PACRG: variants seen among roughly 807,000 people sequenced by gnomAD.
PACRG encodes parkin coregulated, also known as parkin coregulated gene protein.
Under a neutral mutation model 29.7 loss-of-function variants are expected in PACRG, and 29 were observed. That is an observed-to-expected ratio of 0.98 (90% CI 0.73 to 1.33). The LOEUF (loss-of-function observed/expected upper bound fraction) is 1.33, where lower values mean the gene tolerates loss of function less well. Ranked by LOEUF, PACRG falls within the 40% of genes most tolerant of loss-of-function variation. PACRG has a pLI of 0.00. For missense variants in PACRG, 279 were observed against 316.2 expected (o/e 0.88, Z 0.89); for synonymous variants, 116 against 118.7 (o/e 0.98, Z 0.15).
intron 2 of PACRG, among the ~76,000 whole-genome samples, chr6:162,924,825 T>C (rs974402639): frequency 2.6e-5 from 4 of 152,128 alleles, no homozygotes; most frequent in African/African-American, 9.7e-5. Flanking sequence ...ACAGTGGAAC[T>C]GAAGGAGATA....
At position 162,814,122 on chromosome 6, in the gene PACRG, C is replaced by G. The variant is rs373472472; in HGVS notation, c.157-25C>G. On this transcript the variant is annotated intron_variant, in intron 1 of 4. Transcript: ENST00000366888. ...TTTTTAGTATGTCTTAAAACCTGATCCCTATTTTTTTTTTTCCAATTAAGG... is the reference window on the plus strand; with the variant it reads ...TTTTTAGTATGTCTTAAAACCTGATGCCTATTTTTTTTTTTCCAATTAAGG... The G allele has an allele frequency of 3.8e-6, 6 of 1,590,264 alleles. No homozygotes were observed. The East Asian group carries it at 1.1e-4, about 30-fold the overall frequency.
intron 4 of PACRG, among the ~76,000 whole-genome samples, chr6:163,181,169 A>G (rs903677328): frequency 1.3e-5 from 2 of 152,252 alleles, no homozygotes; most frequent in African/African-American, 4.8e-5. Context: ...CGCTGGAACC[A>G]GGGTCTGAAA....
chr6:163,233,033 G>T (rs182580327), intron 4 of PACRG, among the ~76,000 whole-genome samples: 19 of 152,380 alleles, frequency 1.2e-4, no homozygotes, highest in Admixed American at 1.2e-3. Context: ...CTGGGGAGGA[G>T]ATGGTCTCAG....
intron 4 of PACRG, among the ~76,000 whole-genome samples, chr6:163,191,231 T>G (rs777249524): frequency 6.6e-6 from 1 of 151,998 alleles, no homozygotes; most frequent in Non-Finnish European, 1.5e-5. Flanking sequence ...ATAAAAGCAA[T>G]AATTAAAAAA....
chr6:163,308,665 C>CAAAAAAAAAAAAAAAA (rs34275762), intron 4 of PACRG, among the ~76,000 whole-genome samples: 1 of 131,400 alleles, frequency 7.6e-6, no homozygotes, highest in Non-Finnish European at 1.7e-5. Flanking sequence ...GGCTCCGTCT[C>CAAAAAAAAAAAAAAAA]AAAAAAAAAA....
At chr6:163,251,725 CA>C (rs1782912540) in intron 4 of PACRG, among the ~76,000 whole-genome samples, 1 of 152,138 alleles carries the variant, frequency 6.6e-6, no homozygotes, top group South Asian at 2.1e-4. Flanking sequence ...TATTGGCATG[CA>C]ATGTAAAATA....
intron 2 of PACRG, among the ~76,000 whole-genome samples, chr6:162,992,961 A>C (rs1803594935): frequency 6.6e-6 from 1 of 151,540 alleles, no homozygotes; most frequent in South Asian, 2.1e-4. Context: ...CGTTGGTTTC[A>C]AAGAACATCT....
intron 2 of PACRG, among the ~76,000 whole-genome samples, chr6:163,017,288 T>C (rs180875817): frequency 8.5e-5 from 13 of 152,290 alleles, no homozygotes; most frequent in Admixed American, 7.2e-4. Flanking sequence ...CAAGGAAATA[T>C]TGACTTCAGA....
At chr6:162,762,215 C>T (rs776106934) in intron 1 of PACRG, among the ~76,000 whole-genome samples, 7 of 152,058 alleles carry the variant, frequency 4.6e-5, no homozygotes, top group Middle Eastern at 3.2e-3. Flanking sequence ...TGATGGGGAG[C>T]TTTGGTAGAT....
At chr6:162,931,236 T>C (rs1057132622) in intron 2 of PACRG, among the ~76,000 whole-genome samples, 2 of 151,942 alleles carry the variant, frequency 1.3e-5, no homozygotes, top group Non-Finnish European at 2.9e-5. Context: ...ATCAGATGTA[T>C]GCTTTGCAAA....
At position 163,017,097 on chromosome 6, in the gene PACRG, T is replaced by C. The variant is rs545218807; in HGVS notation, c.292-45053T>C. On this transcript the variant is annotated intron_variant, in intron 2 of 4. Coordinates refer to ENST00000366888, the MANE Select transcript of PACRG (RefSeq NM_001080379.2). ...TTTGAATGGCTACTTTCAGTTAACT[T>C]TTCCTTAGATAGACTCGGTCAAGTC... 2.0e-5 allele frequency among the ~76,000 whole-genome samples: 3 copies of C among 152,246 alleles called. No individual in the cohort carries two copies. In the Middle Eastern group the frequency reaches 0.01, roughly 518 times the overall value.
chr6:163,079,741 G>A (rs567031390), intron 3 of PACRG, among the ~76,000 whole-genome samples: 39 of 152,082 alleles, frequency 2.6e-4, no homozygotes, highest in Admixed American at 7.2e-4. Context: ...CTCTTTACCC[G>A]TCTTCTATTT....
chr6:163,065,703 G>T (rs1380713854), intron 3 of PACRG, among the ~76,000 whole-genome samples: 2 of 152,192 alleles, frequency 1.3e-5, no homozygotes, highest in Non-Finnish European at 2.9e-5. Context: ...GATTCAGGAA[G>T]ACGTGGCCTC....
chr6:163,054,821 G>A (rs2128252174), intron 2 of PACRG, among the ~76,000 whole-genome samples: 1 of 152,254 alleles, frequency 6.6e-6, no homozygotes, highest in East Asian at 1.9e-4. Context: ...GGCAAATGGT[G>A]TGAACCTGTG....
chr6:162,876,585 G>A (rs888062621), intron 2 of PACRG, among the ~76,000 whole-genome samples: 4 of 152,178 alleles, frequency 2.6e-5, no homozygotes, highest in Admixed American at 2.6e-4. Context: ...ATTTGTTTAA[G>A]TACCTTGTAG....
chr6:162,858,805 C>T (rs1038564839), intron 2 of PACRG, among the ~76,000 whole-genome samples: 1 of 152,124 alleles, frequency 6.6e-6, no homozygotes, highest in African/African-American at 2.4e-5. Context: ...TAGGGCAGTA[C>T]TCCTGTCACA....
rs1319666595 is a variant in PACRG at position 163,108,388 on chromosome 6, T to C, written c.613+18980T>C. ...CGTGAGCCAATTATACCTCTTCTCT[T>C]TCCCTTTTTTTTTTTTTTTTTTTTT... On this transcript the variant is annotated intron_variant, in intron 4 of 4. Transcript: ENST00000366888. Among the ~76,000 whole-genome samples the C allele has an allele frequency of 3.8e-5, 5 of 133,158 alleles. No homozygotes were observed. In the East Asian group the frequency reaches 1.1e-3, roughly 30 times the overall value. 87.4% of individuals were successfully genotyped at this position (133,158 alleles called of 152,430 possible).
chr6:163,076,037 C>T (rs1032307090), intron 3 of PACRG, among the ~76,000 whole-genome samples: 2 of 152,198 alleles, frequency 1.3e-5, no homozygotes, highest in Admixed American at 1.3e-4. Flanking sequence ...CAGACATAGT[C>T]TAGGGCCCAT....
At chr6:163,240,840 C>G (rs1003417045) in intron 4 of PACRG, among the ~76,000 whole-genome samples, 4 of 152,230 alleles carry the variant, frequency 2.6e-5, no homozygotes, top group African/African-American at 7.2e-5. Context: ...CAGTATCCCC[C>G]CTCAAGTAAA....
Sources: gnomAD v4.1 joint callset for allele counts (sites outside exome capture counted in the v4.1 genomes callset) on GRCh38, gnomAD v4.1.1 for gene constraint, MANE v1.5 for transcripts, NCBI Gene and HGNC (gene_info 2026-07-23, HGNC 2026-07-21) for gene names.